CMC1: variants seen among roughly 807,000 people sequenced by gnomAD.
CMC1 encodes the protein C-X9-C motif containing 1.
CMC1 carries 14 observed loss-of-function variants against 14.1 expected under a neutral mutation model. That is an observed-to-expected ratio of 0.99 (90% CI 0.66 to 1.55). The LOEUF is 1.55. CMC1 is among the 40% of genes most tolerant of loss of function. CMC1 has a pLI of 0.00. For missense variants in CMC1, 127 were observed against 123.8 expected (o/e 1.03, Z -0.12); for synonymous variants, 50 against 38.4 (o/e 1.30, Z -1.12).
At chr3:28,307,705 C>T (rs1702398875) in intron 2 of CMC1, among the ~76,000 whole-genome samples, 3 of 152,154 alleles carry the variant, frequency 2.0e-5, no homozygotes, top group Admixed American at 2.0e-4. Context: ...ATCTTTTAGC[C>T]AGTTTTTCCC....
chr3:28,246,412 A>C (rs941743619), intron 1 of CMC1, among the ~76,000 whole-genome samples: 1 of 152,172 alleles, frequency 6.6e-6, no homozygotes, highest in Non-Finnish European at 1.5e-5. Context: ...TCAGTTTTGA[A>C]GCATGAAATG....
At chr3:28,281,637 A>G (rs1226812489) in intron 2 of CMC1, among the ~76,000 whole-genome samples, 2 of 152,214 alleles carry the variant, frequency 1.3e-5, no homozygotes, top group South Asian at 4.1e-4. Context: ...TGTGTGGTTG[A>G]TAAGAGACAA....
At chr3:28,246,693 C>T (rs962552882) in intron 1 of CMC1, among the ~76,000 whole-genome samples, 7 of 151,846 alleles carry the variant, frequency 4.6e-5, no homozygotes, top group Admixed American at 3.3e-4. Context: ...TGTTTTGTTG[C>T]CGTATTTTCT....
intron 2 of CMC1, among the ~76,000 whole-genome samples, chr3:28,295,856 G>C (rs1701714743): frequency 6.6e-6 from 1 of 151,950 alleles, no homozygotes; most frequent in Admixed American, 6.6e-5. Context: ...TGTGGATATG[G>C]AACCCACAGA....
chr3:28,258,510 A>G (rs1342515637), intron 1 of CMC1, among the ~76,000 whole-genome samples: 3 of 150,314 alleles, frequency 2.0e-5, no homozygotes, highest in Admixed American at 6.6e-5. Flanking sequence ...TTCCATGTTA[A>G]TACGGTTCTG....
intron 3 of CMC1, chr3:28,317,175 G>A (rs1559449737): frequency 6.6e-6 from 1 of 151,938 alleles, no homozygotes; most frequent in Non-Finnish European, 1.5e-5. Flanking sequence ...AAATAAAAAT[G>A]TAATGAACAC....
rs1703246877 is a variant in CMC1 at position 28,323,254 on chromosome 3, A to G, written c.*3625A>G. The G allele has an allele frequency of 6.6e-6, 1 of 151,282 alleles. No homozygotes were observed. The highest frequency in any genetic ancestry group is 2.4e-5 in the African/African-American group (1 of 41,300). 9.4% of individuals were successfully genotyped at this position (151,282 alleles called of 1,614,324 possible). ...TTTATATTATGGCCCACAGAAGGGC[A>G]GATTAGACTGAAATCTGTGTGATGC... On this transcript the variant is annotated 3_prime_UTR_variant, in exon 4 of 4. Transcript: ENST00000466830.
At chr3:28,265,456 T>G (rs1180024215) in intron 2 of CMC1, among the ~76,000 whole-genome samples, 3 of 152,188 alleles carry the variant, frequency 2.0e-5, no homozygotes, top group African/African-American at 7.2e-5. Flanking sequence ...ATTTACTGTT[T>G]ATAGCTTTTG....
At chr3:28,265,519 T>C (rs1267589186) in intron 2 of CMC1, among the ~76,000 whole-genome samples, 1 of 152,170 alleles carries the variant, frequency 6.6e-6, no homozygotes, top group Non-Finnish European at 1.5e-5. Context: ...ATGCCAATTG[T>C]ATGGTTCTTA....
intron 1 of CMC1, chr3:28,253,610 C>T (rs1576980408): frequency 2.4e-6 from 1 of 421,902 alleles, no homozygotes; most frequent in East Asian, 8.8e-5. Flanking sequence ...CAAAAAACCC[C>T]CCAAAAAACT....
At chr3:28,282,836 C>G (rs1270280657) in intron 2 of CMC1, among the ~76,000 whole-genome samples, 1 of 152,112 alleles carries the variant, frequency 6.6e-6, no homozygotes, top group Non-Finnish European at 1.5e-5. Flanking sequence ...AAATTCAAAC[C>G]AGAACGAATT....
chr3:28,293,005 A>G (rs576681061), intron 2 of CMC1: 1 of 152,296 alleles, frequency 6.6e-6, no homozygotes, highest in African/African-American at 2.4e-5. Flanking sequence ...CTGGTTGTCC[A>G]TACTATTGAG....
chr3:28,256,809 A>T (rs925535065), intron 1 of CMC1, among the ~76,000 whole-genome samples: 8 of 152,204 alleles, frequency 5.3e-5, no homozygotes, highest in African/African-American at 1.9e-4. Flanking sequence ...CCACTTTTCT[A>T]AAGGATGTAG....
intron 1 of CMC1, among the ~76,000 whole-genome samples, chr3:28,250,466 G>T (rs554515529): frequency 1.1e-4 from 16 of 152,276 alleles, no homozygotes; most frequent in African/African-American, 3.6e-4. Flanking sequence ...CTGCAAGATT[G>T]CTTTGAGCTT....
intron 1 of CMC1, among the ~76,000 whole-genome samples, chr3:28,243,015 A>G (rs1049034487): frequency 2.6e-5 from 4 of 151,906 alleles, no homozygotes; most frequent in Non-Finnish European, 5.9e-5. Context: ...GTGAGGGGTG[A>G]GTAAGGAAGG....
At chr3:28,260,762 C>T (rs1699695583) in intron 1 of CMC1, among the ~76,000 whole-genome samples, 1 of 152,086 alleles carries the variant, frequency 6.6e-6, no homozygotes, top group Admixed American at 6.6e-5. Context: ...GTTTTAGCTG[C>T]ATCACATAAA....
Position 28,241,781 on chromosome 3 carries a change from T to A in CMC1, c.-13T>A. The A allele has an allele frequency of 8.1e-7, 1 of 1,240,454 alleles. No homozygotes were observed. The allele number at this position is 1,240,454 out of a possible 1,614,324, so 76.8% of individuals were successfully genotyped here. A position where few individuals can be genotyped will look rare whatever the true frequency, so the allele number is the denominator to read the frequency against. ...GAGCCGCCAAGCGGCTACGTTCTTCTCGGCCCGCCGAGATGGCGCTCGACC... is the reference window on the plus strand; with the variant it reads ...GAGCCGCCAAGCGGCTACGTTCTTCACGGCCCGCCGAGATGGCGCTCGACC... On this transcript the variant is annotated 5_prime_UTR_variant, in exon 1 of 4. Coordinates refer to ENST00000466830, the MANE Select transcript of CMC1 (RefSeq NM_182523.2).
chr3:28,304,051 T>C (rs1344398053), intron 2 of CMC1, among the ~76,000 whole-genome samples: 2 of 152,034 alleles, frequency 1.3e-5, no homozygotes, highest in Non-Finnish European at 2.9e-5. Flanking sequence ...ACCTGAAGTA[T>C]AAGGAACTAA....
chr3:28,299,926 A>G (rs961697697), intron 2 of CMC1, among the ~76,000 whole-genome samples: 4 of 152,182 alleles, frequency 2.6e-5, no homozygotes, highest in African/African-American at 9.6e-5. Flanking sequence ...GAAAATATAA[A>G]TGGTGAGATA....
Sources: allele counts gnomAD v4.1 joint callset (sites outside exome capture counted in the v4.1 genomes callset), GRCh38; gene constraint gnomAD v4.1.1; transcripts MANE v1.5; gene names NCBI Gene and HGNC (gene_info 2026-07-23, HGNC 2026-07-21).